The following PTPRN2 variants were observed in gnomAD, a reference collection of about 807,000 sequenced individuals.
PTPRN2 encodes receptor-type tyrosine-protein phosphatase N2.
In PTPRN2, 74 loss-of-function variants were observed where a neutral mutation model predicts 118.8. The ratio of observed to expected loss-of-function variants is 0.62; its 90% CI spans 0.52 to 0.76. The LOEUF is 0.76. Ranked by LOEUF, PTPRN2 falls within the 30% of genes least tolerant of loss-of-function variation. PTPRN2 has a pLI of 0.00. For synonymous variants in PTPRN2, 641 were observed against 608.0 expected, an observed-to-expected ratio of 1.05 and a Z score of -0.80; for missense variants, 1,481 against 1,394.4, an observed-to-expected ratio of 1.06 and a Z score of -0.99.
chr7:158,260,118 GA>G (rs1797300595), intron 3 of PTPRN2, among the ~76,000 whole-genome samples: 1 of 152,230 alleles, frequency 6.6e-6, no homozygotes, highest in Admixed American at 6.5e-5. Flanking sequence ...ATGAGAACCA[GA>G]ACGCCTGCAT....
intron 2 of PTPRN2, among the ~76,000 whole-genome samples, chr7:158,459,361 G>GCCCCCACT: frequency 8.4e-6 from 1 of 119,272 alleles, no homozygotes; most frequent in Non-Finnish European, 1.8e-5. Context: ...AGAATCCAGA[G>GCCCCCACT]GCCCCGCTTG....
In PTPRN2 at chr7:157,611,452, C is replaced by CGTGGCCA. The variant is rs1802331148; in HGVS notation, c.2345-7384_2345-7378dup. On this transcript the variant is annotated intron_variant, in intron 15 of 22. Transcript: ENST00000389418. The surrounding 1 kb of genome is among the most constrained non-coding windows in gnomAD (Gnocchi z 5.9). ...GACGCCAAAGGTGTGTGGGGGTTGC[C>CGTGGCCA]GTGGCCAGGCAGCGCCCGCCCAGTC... Among the ~76,000 whole-genome samples the CGTGGCCA allele has an allele frequency of 6.6e-6, 1 of 152,114 alleles. No individual in the cohort carries two copies. Among genetic ancestry groups the CGTGGCCA allele is most frequent in the Non-Finnish European group, 1.5e-5 (1 of 68,028 alleles).
At chr7:157,956,040 C>T (rs1396863900) in intron 11 of PTPRN2, among the ~76,000 whole-genome samples, 2 of 152,184 alleles carry the variant, frequency 1.3e-5, no homozygotes, top group East Asian at 1.9e-4. Context: ...CCAGGCCATT[C>T]GTGTGCTGCT....
chr7:157,948,780 T>C (rs1800636182), intron 11 of PTPRN2, among the ~76,000 whole-genome samples: 1 of 152,206 alleles, frequency 6.6e-6, no homozygotes, highest in Non-Finnish European at 1.5e-5. Context: ...TCAAAATAAA[T>C]GCCCATTGAA....
At chr7:158,580,410 T>G (rs983764381) in intron 1 of PTPRN2, among the ~76,000 whole-genome samples, 10 of 152,254 alleles carry the variant, frequency 6.6e-5, no homozygotes, top group African/African-American at 2.2e-4. Flanking sequence ...TGAAAATTCC[T>G]TCCGCCAAAC....
At chr7:158,312,795 ACACT>A (rs1351428632) in intron 3 of PTPRN2, among the ~76,000 whole-genome samples, 4 of 151,218 alleles carry the variant, frequency 2.6e-5, no homozygotes, top group Admixed American at 6.6e-5. Context: ...ACACACCTGC[ACACT>A]CATTCACGTG....
rs981767959 is a variant in PTPRN2, at chr7:157,609,949, G to A, written c.2345-5874C>T. 1.3e-5 allele frequency among the ~76,000 whole-genome samples: 2 copies of A among 152,140 alleles called. No homozygotes were observed. The highest frequency in any genetic ancestry group is 2.4e-5 in the African/African-American group (1 of 41,410). Reference sequence around the variant, plus strand: ...AGCTAAGCATGCTAGAGGACGCGGCGGTATAGTCATTAATCATGATCTAGA... The same window carrying A: ...AGCTAAGCATGCTAGAGGACGCGGCAGTATAGTCATTAATCATGATCTAGA... On this transcript the variant is annotated intron_variant, in intron 15 of 22. Transcript: ENST00000389418. This position sits in a 1 kb window ranked among gnomAD's most constrained non-coding sequence, Gnocchi z 4.9.
intron 12 of PTPRN2, among the ~76,000 whole-genome samples, chr7:157,892,848 C>T (rs987311963): frequency 6.6e-6 from 1 of 152,342 alleles, no homozygotes; most frequent in Admixed American, 6.5e-5. Flanking sequence ...CATCACAGAG[C>T]TCCCATTCCA....
intron 11 of PTPRN2, among the ~76,000 whole-genome samples, chr7:157,899,862 T>C (rs1356742648): frequency 6.6e-6 from 1 of 152,142 alleles, no homozygotes; most frequent in African/African-American, 2.4e-5. Flanking sequence ...ACTCCTTTAA[T>C]ACTTTATGAT....
At chr7:157,599,656 C>T (rs1262702084) in intron 16 of PTPRN2, among the ~76,000 whole-genome samples, 1 of 152,244 alleles carries the variant, frequency 6.6e-6, no homozygotes, top group Non-Finnish European at 1.5e-5. Flanking sequence ...GAGGCACCCA[C>T]TGCGGGGCAG....
At chr7:158,194,825 G>A (rs1221716720) in intron 4 of PTPRN2, among the ~76,000 whole-genome samples, 1 of 152,232 alleles carries the variant, frequency 6.6e-6, no homozygotes, top group Non-Finnish European at 1.5e-5. Flanking sequence ...ACTGACCACA[G>A]GTTGCCTCCA....
At chr7:158,352,137 GTCCGCTCC>G (rs1808022006) in intron 2 of PTPRN2, among the ~76,000 whole-genome samples, 1 of 23,520 alleles carries the variant, frequency 4.3e-5, no homozygotes, top group African/African-American at 1.7e-4. Context: ...CTCCCCTCCT[GTCCGCTCC>G]CCTCCTGACT....
intron 2 of PTPRN2, among the ~76,000 whole-genome samples, chr7:158,417,054 C>T (rs11979808): frequency 0.44 from 66,708 of 151,346 alleles, 15,805 homozygotes; most frequent in East Asian, 0.76. Context: ...AGTCACAGTG[C>T]ACTACATCAA....
intron 11 of PTPRN2, among the ~76,000 whole-genome samples, chr7:157,981,923 T>TTC (rs1554505995): frequency 2.6e-5 from 4 of 152,078 alleles, no homozygotes; most frequent in Non-Finnish European, 4.4e-5. Flanking sequence ...GAATGTGGGG[T>TTC]CCCCCCAAAC....
intron 1 of PTPRN2, among the ~76,000 whole-genome samples, chr7:158,582,484 C>T (rs1190050484): frequency 6.6e-6 from 1 of 151,474 alleles, no homozygotes; most frequent in African/African-American, 2.4e-5. Flanking sequence ...TTTGAGAGGC[C>T]AAGGCAGGAG....
intron 12 of PTPRN2, among the ~76,000 whole-genome samples, chr7:157,846,676 C>A (rs963987313): frequency 6.6e-6 from 1 of 152,044 alleles, no homozygotes; most frequent in African/African-American, 2.4e-5. Context: ...TCATGCGTGC[C>A]CGATGTCTAC....
chr7:157,915,437 C>A, intron 11 of PTPRN2, among the ~76,000 whole-genome samples: 3 of 142,530 alleles, frequency 2.1e-5, no homozygotes, highest in Admixed American at 1.4e-4. Flanking sequence ...GAAAATGCCA[C>A]CCCCCCACCC....
intron 16 of PTPRN2, among the ~76,000 whole-genome samples, 184 bp from the exon 17 acceptor site, chr7:157,595,499 T>G (rs150297739): frequency 0.11 from 7,152 of 64,030 alleles, 307 homozygotes; most frequent in East Asian, 0.22. Context: ...AAGCCTGGTG[T>G]TTAGGAAGCC....
At chr7:157,766,973 G>A (rs1802522059) in intron 12 of PTPRN2, among the ~76,000 whole-genome samples, 1 of 152,224 alleles carries the variant, frequency 6.6e-6, no homozygotes, top group Non-Finnish European at 1.5e-5. Flanking sequence ...ACCCAGCTGG[G>A]AGTGGCTTGT....
Sources: allele counts gnomAD v4.1 joint callset (sites outside exome capture counted in the v4.1 genomes callset), GRCh38; gene constraint gnomAD v4.1.1; non-coding constraint Gnocchi (gnomAD v3.1); transcripts MANE v1.5; gene names NCBI Gene and HGNC (gene_info 2026-07-23, HGNC 2026-07-21).